Variants in SNX7 observed in about 807,000 individuals in gnomAD.
SNX7 encodes the protein sorting nexin-7.
SNX7 carries 35 observed loss-of-function variants against 48.4 expected under a neutral mutation model. The observed-to-expected ratio is 0.72, with a 90% CI of 0.55 to 0.96. The LOEUF (loss-of-function observed/expected upper bound fraction) is 0.96. Among genes scored for constraint, SNX7 ranks in the 40% least tolerant of loss-of-function variants. The pLI, the probability that SNX7 is intolerant of heterozygous loss-of-function variation, is 0.00. For missense variants in SNX7, 553 were observed against 548.9 expected (o/e 1.01, Z -0.07); for synonymous variants, 190 against 190.2 (o/e 1.00, Z 0.01).
At chr1:98,757,652 C>T (rs1482156) in intron 8 of SNX7, among the ~76,000 whole-genome samples, 40,046 of 151,872 alleles carry the variant, frequency 0.26, 5,592 homozygotes, top group Middle Eastern at 0.31. Flanking sequence ...CCCCACCCCA[C>T]CCCAGGGACC....
intron 5 of SNX7, among the ~76,000 whole-genome samples, chr1:98,697,343 GT>G (rs1402014179): frequency 1.3e-5 from 2 of 151,936 alleles, no homozygotes; most frequent in Admixed American, 6.6e-5. Flanking sequence ...AGTTTTAGTA[GT>G]TTAGAGAAAT....
chr1:98,678,238 C>T (rs1430230139), intron 1 of SNX7, among the ~76,000 whole-genome samples: 2 of 152,158 alleles, frequency 1.3e-5, no homozygotes, highest in South Asian at 2.1e-4. Flanking sequence ...AGAAAGAGGA[C>T]GATCCAGGGT....
rs112285028 is a variant in SNX7, at chr1:98,722,720, A to G, written c.1126-15517A>G. Among the ~76,000 whole-genome samples, 8 of 152,220 alleles carry G rather than the reference A, an allele frequency of 5.3e-5. No individual in the cohort carries two copies. In the East Asian group the frequency reaches 5.8e-4, roughly 11 times the overall value. On this transcript the variant is annotated intron_variant, in intron 7 of 8. Transcript: ENST00000306121. Reference sequence around the variant, plus strand: ...ATGATATTTTTAAGTAAGAATAACTATCATCCTCAAATTTTATTATTTTGC... The same window carrying G: ...ATGATATTTTTAAGTAAGAATAACTGTCATCCTCAAATTTTATTATTTTGC...
chr1:98,756,271 G>A (rs1004580438), intron 8 of SNX7, among the ~76,000 whole-genome samples: 1 of 151,504 alleles, frequency 6.6e-6, no homozygotes, highest in African/African-American at 2.4e-5. Context: ...TGTATTATAA[G>A]CCCTGCAAGA....
intron 8 of SNX7, among the ~76,000 whole-genome samples, chr1:98,745,046 T>C (rs1374296676): frequency 2.0e-5 from 3 of 152,088 alleles, no homozygotes; most frequent in Admixed American, 6.6e-5. Flanking sequence ...ATACACACCA[T>C]GCACAGTCAT....
intron 8 of SNX7, among the ~76,000 whole-genome samples, chr1:98,739,321 A>G (rs35289100): frequency 0.22 from 32,965 of 152,128 alleles, 3,911 homozygotes; most frequent in East Asian, 0.32. Flanking sequence ...GTACCAGTCC[A>G]TGGCCCAGGG....
In SNX7 at chr1:98,661,800, G is replaced by A. The variant is rs1372921030; in HGVS notation, c.69G>A (p.Glu23=). ...SGLPAGGANG[E]SPGGGAPFPG... is the part of the protein sequence containing the mutation. The stretch of plus-strand genomic sequence containing the variant: ...TCCCGGCCGGGGGCGCCAACGGGGA[G>A]AGCCCGGGGGGCGGCGCCCCCTTTC... The change falls in exon 1 of 9, where the codon GAG becomes GAA. Residue 23 remains glutamate, a synonymous_variant. Coordinates refer to ENST00000306121, the MANE Select transcript of SNX7 (RefSeq NM_015976.5). 6 of 1,244,710 alleles carry A rather than the reference G, an allele frequency of 4.8e-6. No individual in the cohort carries two copies. The highest frequency in any genetic ancestry group is 4.1e-5 in the South Asian group (1 of 24,310). The allele number at this position is 1,244,710 out of a possible 1,614,324, so 77.1% of individuals were successfully genotyped here.
chr1:98,676,472 T>C (rs1176734961), intron 1 of SNX7, among the ~76,000 whole-genome samples: 1 of 152,232 alleles, frequency 6.6e-6, no homozygotes, highest in Non-Finnish European at 1.5e-5. Flanking sequence ...GGCTGAACCT[T>C]CGTAATCTTT....
At chr1:98,689,072 T>G (rs1650967670) in intron 2 of SNX7, among the ~76,000 whole-genome samples, 1 of 152,040 alleles carries the variant, frequency 6.6e-6, no homozygotes, top group Non-Finnish European at 1.5e-5. Flanking sequence ...GTCTGGCTAA[T>G]TTTTGTATTT....
At chr1:98,722,849 A>G (rs1042059688) in intron 7 of SNX7, among the ~76,000 whole-genome samples, 4 of 152,164 alleles carry the variant, frequency 2.6e-5, no homozygotes, top group African/African-American at 7.2e-5. Flanking sequence ...TTGCTCAAAA[A>G]TGTTGGTGAT....
intron 2 of SNX7, among the ~76,000 whole-genome samples, chr1:98,686,379 A>G (rs1650800040): frequency 6.6e-6 from 1 of 152,150 alleles, no homozygotes; most frequent in Non-Finnish European, 1.5e-5. Context: ...GTTGCAGTAG[A>G]ATAAGTAATC....
intron 7 of SNX7, among the ~76,000 whole-genome samples, chr1:98,714,116 G>A (rs935364945): frequency 2.4e-4 from 37 of 152,176 alleles, no homozygotes; most frequent in African/African-American, 8.7e-4. Context: ...TGGAGAGTAA[G>A]CCTTTTCTCT....
intron 8 of SNX7, among the ~76,000 whole-genome samples, chr1:98,754,552 TTA>T (rs1164778002): frequency 6.6e-6 from 1 of 152,036 alleles, no homozygotes; most frequent in Admixed American, 6.6e-5. Context: ...TTTTGGTAGT[TTA>T]TGTCTTTCAA....
chr1:98,743,963 A>G (rs765086425), intron 8 of SNX7, among the ~76,000 whole-genome samples: 9 of 152,080 alleles, frequency 5.9e-5, no homozygotes, highest in African/African-American at 2.2e-4. Context: ...TGGCATTTAG[A>G]TTCCTGTCAG....
intron 7 of SNX7, among the ~76,000 whole-genome samples, chr1:98,713,200 T>G (rs1652413031): frequency 6.6e-6 from 1 of 152,180 alleles, no homozygotes; most frequent in Non-Finnish European, 1.5e-5. Flanking sequence ...TGTTATAACT[T>G]GTACATCAGC....
chr1:98,741,978 AG>A (rs1167210218), intron 8 of SNX7, among the ~76,000 whole-genome samples: 15 of 152,174 alleles, frequency 9.9e-5, no homozygotes, highest in Admixed American at 7.9e-4. Flanking sequence ...AGGAAAGTGC[AG>A]CTATTTAGGA....
rs981646220 is a variant in SNX7 at position 98,760,283 on chromosome 1, C to A, written c.*152C>A. ...ACTTGAAATCTCAGGTATTCCAGGT[C>A]ACTGACATGAATTTGAAGATATATC... On this transcript the variant is annotated 3_prime_UTR_variant, in exon 9 of 9. Transcript: ENST00000306121. 11 of 614,566 alleles carry A rather than the reference C, an allele frequency of 1.8e-5. No individual in the cohort carries two copies. The highest frequency in any genetic ancestry group is 2.9e-5 in the Non-Finnish European group (10 of 343,520). The allele number at this position is 614,566 out of a possible 1,614,324, so 38.1% of individuals were successfully genotyped here.
chr1:98,755,872 T>C (rs1654816352), intron 8 of SNX7, among the ~76,000 whole-genome samples: 1 of 152,060 alleles, frequency 6.6e-6, no homozygotes, highest in African/African-American at 2.4e-5. Flanking sequence ...TTTTATTCAG[T>C]TGGCAATCTG....
chr1:98,696,377 T>A (rs1310621050), intron 5 of SNX7, among the ~76,000 whole-genome samples: 1 of 152,116 alleles, frequency 6.6e-6, no homozygotes, highest in African/African-American at 2.4e-5. Context: ...GATGGCTTAT[T>A]TGTTAATTGA....
Sources: allele counts gnomAD v4.1 joint callset (sites outside exome capture counted in the v4.1 genomes callset), GRCh38; gene constraint gnomAD v4.1.1; transcripts MANE v1.5; gene names NCBI Gene and HGNC (gene_info 2026-07-23, HGNC 2026-07-21).